The following SPAG16 variants were observed in gnomAD, a reference collection of about 807,000 sequenced individuals.
SPAG16 encodes sperm-associated antigen 16 protein.
SPAG16 carries 86 observed loss-of-function variants against 80.4 expected under a neutral mutation model. That is an observed-to-expected ratio of 1.07 (90% CI 0.90 to 1.28). SPAG16 has a LOEUF of 1.28. Ranked by LOEUF, SPAG16 falls within the 50% of genes most tolerant of loss-of-function variation. SPAG16 has a pLI of 0.00. For synonymous variants in SPAG16, 294 were observed against 265.9 expected (o/e 1.11, Z -1.03); for missense variants, 870 against 765.3 (o/e 1.14, Z -1.61).
intron 15 of SPAG16, among the ~76,000 whole-genome samples, chr2:214,235,870 A>T (rs1452774501): frequency 6.6e-6 from 1 of 152,110 alleles, no homozygotes; most frequent in Non-Finnish European, 1.5e-5. Flanking sequence ...ACCCAACTCT[A>T]TCATTTCATT....
chr2:213,340,018 A>T (rs1164253585), intron 5 of SPAG16, 145 bp from the exon 6 acceptor site: 1 of 612,068 alleles, frequency 1.6e-6, no homozygotes, highest in Non-Finnish European at 2.9e-6. Context: ...ATTATGTTTG[A>T]TGAGAATCTT....
chr2:214,409,145 A>G (rs1448260122), intron 15 of SPAG16, among the ~76,000 whole-genome samples: 1 of 146,196 alleles, frequency 6.8e-6, no homozygotes, highest in Non-Finnish European at 1.5e-5. Flanking sequence ...AGAATTATCC[A>G]TATCAAGCAC....
chr2:213,454,007 C>G (rs2071855543), intron 9 of SPAG16, among the ~76,000 whole-genome samples: 1 of 152,078 alleles, frequency 6.6e-6, no homozygotes, highest in Non-Finnish European at 1.5e-5. Flanking sequence ...TACTCTCTTT[C>G]TTCCTCCCCT....
intron 9 of SPAG16, among the ~76,000 whole-genome samples, chr2:213,446,182 A>G (rs2071299125): frequency 6.6e-6 from 1 of 152,220 alleles, no homozygotes; most frequent in Non-Finnish European, 1.5e-5. Flanking sequence ...GCAACTCTTA[A>G]AGCCAGAGTA....
chr2:213,860,755 T>G (rs2075419974), intron 10 of SPAG16, among the ~76,000 whole-genome samples: 1 of 152,128 alleles, frequency 6.6e-6, no homozygotes, highest in Non-Finnish European at 1.5e-5. Context: ...TTTTGGAAAC[T>G]TATCTTTCAA....
chr2:214,122,411 T>C (rs2054265550), intron 14 of SPAG16, among the ~76,000 whole-genome samples: 1 of 151,812 alleles, frequency 6.6e-6, no homozygotes, highest in African/African-American at 2.4e-5. Flanking sequence ...TCAATTCACA[T>C]TACCTTTTTA....
intron 10 of SPAG16, among the ~76,000 whole-genome samples, chr2:213,768,285 G>C (rs7424131): frequency 5.3e-5 from 8 of 152,068 alleles, no homozygotes; most frequent in Non-Finnish European, 2.9e-5. Flanking sequence ...CTATATTATA[G>C]GAAAAATTTG....
chr2:213,558,509 A>G (rs2059501319), intron 10 of SPAG16, among the ~76,000 whole-genome samples: 1 of 151,942 alleles, frequency 6.6e-6, no homozygotes, highest in African/African-American at 2.4e-5. Flanking sequence ...GGGACTGTAG[A>G]GATAAAATCA....
At chr2:213,910,923 G>T (rs552509639) in intron 11 of SPAG16, among the ~76,000 whole-genome samples, 2 of 152,274 alleles carry the variant, frequency 1.3e-5, no homozygotes, top group South Asian at 2.1e-4. Context: ...CCAAGATCAT[G>T]TGGGGACATT....
rs774861988 is a variant in SPAG16 at position 214,149,225 on chromosome 2, T to C, written c.1679T>C (p.Ile560Thr). 1 of 1,598,590 alleles carries C rather than the reference T, an allele frequency of 6.3e-7. No homozygotes were observed. The highest frequency in any genetic ancestry group is 1.3e-5 in the African/African-American group (1 of 74,514). ...RKLLPIVSID[I>T]GPSPGNEVNF... is the part of the protein sequence containing the mutation. ...CTGTTACCAATTGTGTCCATCGATA[T>C]AGGTCCAAGTCCTGGCAATGAGGTG... is the stretch of plus-strand genomic sequence containing the variant. The change falls in exon 15 of 16, where the codon ATA becomes ACA. Residue 560 changes from isoleucine to threonine, a missense_variant. Physicochemically the swap from Ile to Thr is moderately conservative, Grantham distance 89 (BLOSUM62 -1). Transcript: ENST00000331683.
chr2:213,944,013 A>T (rs1353864397), intron 12 of SPAG16, among the ~76,000 whole-genome samples: 2 of 152,216 alleles, frequency 1.3e-5, no homozygotes, highest in African/African-American at 4.8e-5. Context: ...AAGACAAGAG[A>T]AGAATGACCC....
At chr2:214,092,506 A>AATAT (rs59378417) in intron 13 of SPAG16, among the ~76,000 whole-genome samples, 13,495 of 147,734 alleles carry the variant, frequency 0.091, 762 homozygotes, top group East Asian at 0.28. Context: ...TATATATATA[A>AATAT]ATATATATAT....
intron 13 of SPAG16, among the ~76,000 whole-genome samples, chr2:214,029,713 C>T (rs538416472): frequency 1.3e-5 from 2 of 152,196 alleles, no homozygotes; most frequent in African/African-American, 4.8e-5. Context: ...TATGCCTTTC[C>T]CTACTAATTC....
rs140864608 is a variant in SPAG16 at position 213,776,826 on chromosome 2, A to ACCC, written c.1071-85651_1071-85649dup. ...TAATATCTTACCAGCGTTCTATGCCACCCCCCCCCCACCCCAGGACCCGAG... is the reference window on the plus strand; with the variant it reads ...TAATATCTTACCAGCGTTCTATGCCACCCCCCCCCCCCCACCCCAGGACCCGAG... On this transcript the variant is annotated intron_variant, in intron 10 of 15. Transcript: ENST00000331683. Among the ~76,000 whole-genome samples, 11 of 107,618 alleles carry ACCC rather than the reference A, an allele frequency of 1.0e-4. No homozygotes were observed. In the East Asian group the frequency reaches 1.3e-3, roughly 12 times the overall value. The allele number at this position is 107,618 out of a possible 152,430, so 70.6% of individuals were successfully genotyped here.
At chr2:213,354,680 G>A (rs1354242017) in intron 7 of SPAG16, among the ~76,000 whole-genome samples, 2 of 152,140 alleles carry the variant, frequency 1.3e-5, no homozygotes, top group African/African-American at 4.8e-5. Flanking sequence ...CTGCATAAAT[G>A]TCTTCTTTTG....
chr2:214,259,445 A>G (rs962151308), intron 15 of SPAG16, among the ~76,000 whole-genome samples: 6 of 149,776 alleles, frequency 4.0e-5, no homozygotes, highest in Non-Finnish European at 8.9e-5. Context: ...ACACATATAG[A>G]AATAAATGCG....
At chr2:213,604,414 T>A (rs1223728376) in intron 10 of SPAG16, among the ~76,000 whole-genome samples, 2 of 152,170 alleles carry the variant, frequency 1.3e-5, no homozygotes, top group Admixed American at 6.5e-5. Flanking sequence ...ACATGTATAT[T>A]TTTTACTTTT....
chr2:213,508,343 C>T (rs1334683444), intron 10 of SPAG16, among the ~76,000 whole-genome samples: 3 of 152,046 alleles, frequency 2.0e-5, no homozygotes, highest in Admixed American at 2.0e-4. Flanking sequence ...GAGGCCGAGG[C>T]GGGTGGATCA....
chr2:214,172,797 C>A (rs2056923396), intron 15 of SPAG16, among the ~76,000 whole-genome samples: 1 of 152,088 alleles, frequency 6.6e-6, no homozygotes, highest in Non-Finnish European at 1.5e-5. Flanking sequence ...ACCATTCTAA[C>A]TGGTGTGAGA....
Sources: allele counts gnomAD v4.1 joint callset (sites outside exome capture counted in the v4.1 genomes callset), GRCh38; gene constraint gnomAD v4.1.1; transcripts MANE v1.5; gene names NCBI Gene and HGNC (gene_info 2026-07-23, HGNC 2026-07-21).